OSBPL8: variants seen among roughly 807,000 people sequenced by gnomAD.
OSBPL8 encodes the protein oxysterol-binding protein-related protein 8.
In OSBPL8, 59 loss-of-function variants were observed where a neutral mutation model predicts 125.5. That is an observed-to-expected ratio of 0.47 (90% CI 0.38 to 0.58). The LOEUF is 0.58. Among genes scored for constraint, OSBPL8 ranks in the 20% least tolerant of loss-of-function variants. The pLI is 0.00. For synonymous variants in OSBPL8, 330 were observed against 338.9 expected (o/e 0.97, Z 0.29); for missense variants, 758 against 1,047.8 (o/e 0.72, Z 3.82).
chr12:76,405,633 G>A (rs939205281), intron 5 of OSBPL8, among the ~76,000 whole-genome samples: 2 of 152,162 alleles, frequency 1.3e-5, no homozygotes, highest in Admixed American at 6.6e-5. Flanking sequence ...CTGCCATAAC[G>A]TGCAGTCTAG....
Position 76,437,771 on chromosome 12 carries a change from T to C in OSBPL8, c.217+13080A>G, listed in dbSNP as rs932274148. Among the ~76,000 whole-genome samples the C allele has an allele frequency of 2.0e-5, 3 of 152,184 alleles. No individual in the cohort carries two copies. The East Asian group carries it at 5.8e-4, about 29-fold the overall frequency. ...TGTCACACTGGAAAAATGTTGAATT[T>C]TCCTATCGTAAACATGGTCTGTTTA... On this transcript the variant is annotated intron_variant, in intron 4 of 23. Transcript: ENST00000261183.
At chr12:76,431,611 A>G (rs559776171) in intron 4 of OSBPL8, among the ~76,000 whole-genome samples, 10 of 152,290 alleles carry the variant, frequency 6.6e-5, no homozygotes, top group African/African-American at 2.4e-4. Flanking sequence ...GTGGCTATAC[A>G]TGTATCAGGA....
At chr12:76,558,369 C>G (rs1427795378) in intron 1 of OSBPL8, among the ~76,000 whole-genome samples, 1 of 152,158 alleles carries the variant, frequency 6.6e-6, no homozygotes, top group African/African-American at 2.4e-5. Flanking sequence ...ACCCACGATT[C>G]TCCACAATTC....
At chr12:76,537,540 C>G (rs566189015) in intron 1 of OSBPL8, among the ~76,000 whole-genome samples, 1 of 152,048 alleles carries the variant, frequency 6.6e-6, no homozygotes, top group Non-Finnish European at 1.5e-5. Context: ...ATAACTTGAG[C>G]AAATTAAGTT....
chr12:76,556,427 C>T (rs1951101554), intron 1 of OSBPL8, among the ~76,000 whole-genome samples: 1 of 150,200 alleles, frequency 6.7e-6, no homozygotes, highest in Admixed American at 6.7e-5. Flanking sequence ...AATTTTATGA[C>T]TTTGTGAGGA....
Position 76,399,829 on chromosome 12 carries a change from G to A in OSBPL8, c.468+44C>T, listed in dbSNP as rs925064739. 7.4e-6 allele frequency: 11 copies of A among 1,488,730 alleles called. No homozygotes were observed. In the East Asian group the frequency reaches 9.3e-5, roughly 13 times the overall value. 92.2% of individuals were successfully genotyped at this position (1,488,730 alleles called of 1,614,324 possible). A position where few individuals can be genotyped will look rare whatever the true frequency, so the allele number is the denominator to read the frequency against. On this transcript the variant is annotated intron_variant, in intron 7 of 23. Coordinates refer to ENST00000261183, the MANE Select transcript of OSBPL8 (RefSeq NM_020841.5). ...ACTCCAGGCTTTTCCATTCCAGTAGGTAAACATCCAGCAATCTGAATTCAT... is the reference window on the plus strand; with the variant it reads ...ACTCCAGGCTTTTCCATTCCAGTAGATAAACATCCAGCAATCTGAATTCAT...
intron 10 of OSBPL8, among the ~76,000 whole-genome samples, chr12:76,391,896 C>T (rs550130704): frequency 6.6e-6 from 1 of 152,210 alleles, no homozygotes; most frequent in African/African-American, 2.4e-5. Context: ...AACCTCAATG[C>T]TGATGAAAGT....
chr12:76,482,201 T>G (rs1877576637), intron 2 of OSBPL8, among the ~76,000 whole-genome samples: 1 of 152,258 alleles, frequency 6.6e-6, no homozygotes, highest in Non-Finnish European at 1.5e-5. Context: ...TGTTGCTTTC[T>G]TCTAAAAAAT....
At chr12:76,510,021 T>C (rs1880817273) in intron 1 of OSBPL8, among the ~76,000 whole-genome samples, 1 of 152,226 alleles carries the variant, frequency 6.6e-6, no homozygotes, top group Non-Finnish European at 1.5e-5. Context: ...ACTTTTCTCA[T>C]AGACATTAAA....
chr12:76,512,374 A>T (rs1015417454), intron 1 of OSBPL8, among the ~76,000 whole-genome samples: 1 of 152,120 alleles, frequency 6.6e-6, no homozygotes, highest in African/African-American at 2.4e-5. Flanking sequence ...TCTGTCACTG[A>T]TGGGCATTTA....
intron 4 of OSBPL8, among the ~76,000 whole-genome samples, chr12:76,424,079 C>T (rs1869844229): frequency 6.6e-6 from 1 of 152,054 alleles, no homozygotes; most frequent in South Asian, 2.1e-4. Flanking sequence ...CAGCTCGCTG[C>T]CACCTCTACC....
At chr12:76,383,175 C>G (rs757912740) in intron 15 of OSBPL8, among the ~76,000 whole-genome samples, 3 of 152,014 alleles carry the variant, frequency 2.0e-5, no homozygotes, top group East Asian at 3.9e-4. Context: ...AAAAGGCCCA[C>G]TGATGAAGTA....
At chr12:76,537,790 T>TC (rs1276666415) in intron 1 of OSBPL8, among the ~76,000 whole-genome samples, 1 of 152,064 alleles carries the variant, frequency 6.6e-6, no homozygotes, top group African/African-American at 2.4e-5. Flanking sequence ...GTGCCTGTAA[T>TC]CCCAGCTACT....
At chr12:76,451,261 A>C (rs1253697243) in intron 3 of OSBPL8, among the ~76,000 whole-genome samples, 2 of 152,264 alleles carry the variant, frequency 1.3e-5, no homozygotes, top group East Asian at 1.9e-4. Flanking sequence ...TGAAAGGCCT[A>C]AGGTTTACTG....
chr12:76,499,358 T>TATCTATCTATCTA (rs1879652677), intron 1 of OSBPL8, among the ~76,000 whole-genome samples: 2 of 100,632 alleles, frequency 2.0e-5, no homozygotes, highest in Non-Finnish European at 4.3e-5. Context: ...ATCATCTATC[T>TATCTATCTATCTA]ATCTATCTAA....
intron 6 of OSBPL8, 99 bp downstream of exon 6, chr12:76,402,590 C>T: frequency 2.3e-6 from 2 of 865,462 alleles, no homozygotes; most frequent in Admixed American, 2.7e-5. Flanking sequence ...TTTTTTCTTT[C>T]TTTAGGAACA....
intron 4 of OSBPL8, among the ~76,000 whole-genome samples, chr12:76,434,953 C>T (rs761307125): frequency 6.6e-6 from 1 of 152,078 alleles, no homozygotes; most frequent in Non-Finnish European, 1.5e-5. Context: ...GAAGGTTATT[C>T]AAAAGATTCA....
intron 2 of OSBPL8, among the ~76,000 whole-genome samples, chr12:76,472,666 G>C (rs1441586413): frequency 6.6e-6 from 1 of 152,252 alleles, no homozygotes; most frequent in Non-Finnish European, 1.5e-5. Context: ...AGCTGAGGCA[G>C]AGAGAGACAG....
At chr12:76,393,507 G>A (rs1953652403) in intron 9 of OSBPL8, among the ~76,000 whole-genome samples, 1 of 150,962 alleles carries the variant, frequency 6.6e-6, no homozygotes, top group South Asian at 2.1e-4. Context: ...TCAGGAGATC[G>A]AGACCATCCT....
Sources: gnomAD v4.1 joint callset for allele counts (sites outside exome capture counted in the v4.1 genomes callset) on GRCh38, gnomAD v4.1.1 for gene constraint, MANE v1.5 for transcripts, NCBI Gene and HGNC (gene_info 2026-07-23, HGNC 2026-07-21) for gene names.